Variants in ADA2 observed in about 807,000 individuals in gnomAD.
ADA2 encodes adenosine deaminase CECR1.
Under a neutral mutation model 44.2 loss-of-function variants are expected in ADA2, and 29 were observed. The ratio of observed to expected loss-of-function variants is 0.66; its 90% CI spans 0.49 to 0.89. The LOEUF (loss-of-function observed/expected upper bound fraction) is 0.89. Among genes scored for constraint, ADA2 ranks in the 40% least tolerant of loss-of-function variants. The probability of loss-of-function intolerance (pLI) is 0.00; values close to 1 mark genes in which losing one functional copy is unlikely to be tolerated. For missense variants in ADA2, 637 were observed against 644.8 expected, an observed-to-expected ratio of 0.99 and a Z score of 0.13; for synonymous variants, 215 against 234.9, an observed-to-expected ratio of 0.92 and a Z score of 0.77.
At chr22:17,184,190 A>G (rs1079552) in intron 7 of ADA2, among the ~76,000 whole-genome samples, 132,486 of 151,158 alleles carry the variant, frequency 0.88, 58,143 homozygotes, top group East Asian at 0.92. Flanking sequence ...GGTCTCGATC[A>G]CCTGACCTTG....
At chr22:17,185,274 C>T (rs4455258) in intron 7 of ADA2, among the ~76,000 whole-genome samples, 131,772 of 150,352 alleles carry the variant, frequency 0.88, 57,838 homozygotes, top group East Asian at 0.92. Context: ...ATTAGCCGGG[C>T]GTGGTGGCAG....
In ADA2 at chr22:17,203,608, G is replaced by A. The variant is rs200287863; in HGVS notation, c.708C>T (p.Tyr236=). The change falls in exon 4 of 10, where the codon TAC becomes TAT. Residue 236 remains tyrosine (Y), a synonymous_variant. Coordinates refer to ENST00000399837, the MANE Select transcript of ADA2 (RefSeq NM_001282225.2). ...DYVFRSMQEF[Y]EDNVLYMEIR... ...TCTCCATGTAGAGCACGTTGTCCTC[G>A]TAGAACTCCTGCATGCTCCGGAAGA... The A allele has an allele frequency of 6.0e-5, 97 of 1,613,510 alleles. No individual in the cohort carries two copies. The Admixed American group carries it at 1.0e-3, about 17-fold the overall frequency.
At chr22:17,197,267 T>C (rs1031668779) in intron 4 of ADA2, among the ~76,000 whole-genome samples, 14 of 144,168 alleles carry the variant, frequency 9.7e-5, no homozygotes, top group Admixed American at 3.5e-4. Context: ...TTTCTTTTTT[T>C]TCTTTTTTTT....
chr22:17,195,829 C>T lies in ADA2; in HGVS notation c.754-4019G>A, dbSNP rs371468491. 1.8e-4 allele frequency among the ~76,000 whole-genome samples: 27 copies of T among 149,770 alleles called. No individual in the cohort carries two copies. The East Asian group carries it at 3.2e-3, about 18-fold the overall frequency. On this transcript the variant is annotated intron_variant, in intron 4 of 9. Coordinates refer to ENST00000399837, the MANE Select transcript of ADA2 (RefSeq NM_001282225.2). ...AGGCTGGAGTGCAGTGGTGCGATCT[C>T]GGCTCACTTTAACCTCCACCTCCTG...
intron 3 of ADA2, among the ~76,000 whole-genome samples, chr22:17,204,542 G>T (rs1385237822): frequency 1.3e-5 from 2 of 152,052 alleles, no homozygotes; most frequent in Non-Finnish European, 2.9e-5. Flanking sequence ...CCCTGGAAGT[G>T]GAGGTTGTAG....
intron 4 of ADA2, among the ~76,000 whole-genome samples, chr22:17,193,929 C>T: frequency 6.8e-6 from 1 of 148,080 alleles, no homozygotes; most frequent in East Asian, 2.0e-4. Context: ...AATCCCAGCA[C>T]TTTGGGAGGC....
intron 4 of ADA2, among the ~76,000 whole-genome samples, chr22:17,202,167 T>C (rs1466240994): frequency 2.0e-5 from 3 of 151,218 alleles, no homozygotes; most frequent in Admixed American, 1.3e-4. Flanking sequence ...TCTCACTCTG[T>C]CACTCAGGCT....
intron 4 of ADA2, among the ~76,000 whole-genome samples, chr22:17,197,908 C>T (rs2062213176): frequency 6.6e-6 from 1 of 152,022 alleles, no homozygotes; most frequent in Non-Finnish European, 1.5e-5. Flanking sequence ...TGTGGTGGCA[C>T]ATGCCTGTAT....
At chr22:17,192,293 G>A (rs1321184384) in intron 4 of ADA2, among the ~76,000 whole-genome samples, 1 of 152,146 alleles carries the variant, frequency 6.6e-6, no homozygotes, top group East Asian at 1.9e-4. Context: ...CGCGAGGGTA[G>A]GTGCCCATTA....
chr22:17,193,501 C>A (rs781752576), intron 4 of ADA2, among the ~76,000 whole-genome samples: 1 of 150,070 alleles, frequency 6.7e-6, no homozygotes, highest in African/African-American at 2.5e-5. Context: ...CTCGTCTCTA[C>A]TAAAAATACA....
At chr22:17,215,071 G>A (rs1228271392) in intron 1 of ADA2, among the ~76,000 whole-genome samples, 1 of 152,212 alleles carries the variant, frequency 6.6e-6, no homozygotes, top group African/African-American at 2.4e-5. Context: ...GTCTTGGAGG[G>A]CTGGGATTTT....
intron 2 of ADA2, 124 bp downstream of exon 2, chr22:17,209,232 A>T: frequency 1.2e-6 from 1 of 815,016 alleles, no homozygotes; most frequent in Non-Finnish European, 2.0e-6. Context: ...ACAGAGGAGC[A>T]GAACAGCTGA....
intron 4 of ADA2, chr22:17,199,419 T>TCCCTCCCCACCTCTATCCACTTCCCCA: frequency 1.1e-6 from 1 of 927,946 alleles, no homozygotes; most frequent in Non-Finnish European, 1.8e-6. Flanking sequence ...CAGCGTCTCC[T>TCCCTCCCCACCTCTATCCACTTCCCCA]CCCTCCCCTC....
At chr22:17,214,383 C>G (rs1326901217) in intron 1 of ADA2, among the ~76,000 whole-genome samples, 3 of 152,150 alleles carry the variant, frequency 2.0e-5, no homozygotes, top group Non-Finnish European at 4.4e-5. Flanking sequence ...GAAGATACAC[C>G]CTTTTAGTTC....
chr22:17,196,463 G>C (rs1375556741), intron 4 of ADA2, among the ~76,000 whole-genome samples: 1 of 152,032 alleles, frequency 6.6e-6, no homozygotes, highest in Non-Finnish European at 1.5e-5. Context: ...GGACCAGAAA[G>C]TTGGAGAACC....
rs2123597725 is a variant in ADA2 at position 17,181,277 on chromosome 22, A to AG, written c.*205dup. On this transcript the variant is annotated 3_prime_UTR_variant, in exon 10 of 10. Coordinates refer to ENST00000399837, the MANE Select transcript of ADA2 (RefSeq NM_001282225.2). ...ACTGGAAGAAATGGCCAGAGACAGG[A>AG]GAAAACCAAGAGGGTCAATGTCACT... 1 of 568,544 alleles carries AG rather than the reference A, an allele frequency of 1.8e-6. No homozygotes were observed. Among genetic ancestry groups the AG allele is most frequent in the East Asian group, 3.1e-5 (1 of 32,712 alleles). 35.2% of individuals were successfully genotyped at this position (568,544 alleles called of 1,614,324 possible). A position where few individuals can be genotyped will look rare whatever the true frequency, so the allele number is the denominator to read the frequency against.
At chr22:17,181,771 C>A in intron 9 of ADA2, 49 bp downstream of exon 9, 1 of 1,515,502 alleles carries the variant, frequency 6.6e-7, no homozygotes, top group South Asian at 1.1e-5. Flanking sequence ...CAAACACAAG[C>A]TGCGGGCTGG....
At chr22:17,198,053 CA>C (rs569204382) in intron 4 of ADA2, among the ~76,000 whole-genome samples, 3 of 147,714 alleles carry the variant, frequency 2.0e-5, no homozygotes, top group South Asian at 2.2e-4. Context: ...AAAAAAAAAA[CA>C]AAAAAATTGA....
At position 17,189,979 on chromosome 22, in the gene ADA2, C is replaced by T. The variant is rs746970158; in HGVS notation, c.935G>A (p.Arg312Gln). 2.3e-5 allele frequency: 37 copies of T among 1,613,962 alleles called. No homozygotes were observed. The highest frequency in any genetic ancestry group is 2.2e-4 in the East Asian group (10 of 44,880). ...TGCCACCACCGTGGGGAACTTGATT[C>T]GGAGCCCCATGGCCATTCGGATGGA... ...AESIRMAMGLRIKFPTVVAGF... is the reference protein window; with the variant it reads ...AESIRMAMGLQIKFPTVVAGF... The change falls in exon 6 of 10, where the codon CGA (arginine) becomes CAA (glutamine). Residue 312 changes from arginine (R) to glutamine (Q), a missense_variant. Coordinates refer to ENST00000399837, the MANE Select transcript of ADA2 (RefSeq NM_001282225.2).
Sources: allele counts gnomAD v4.1 joint callset (sites outside exome capture counted in the v4.1 genomes callset), GRCh38; gene constraint gnomAD v4.1.1; transcripts MANE v1.5; gene names NCBI Gene and HGNC (gene_info 2026-07-23, HGNC 2026-07-21).